The following NKAIN3 variants were observed in gnomAD, a reference collection of about 807,000 sequenced individuals.
NKAIN3 encodes sodium/potassium transporting ATPase interacting 3, also known as sodium/potassium-transporting ATPase subunit beta-1-interacting protein 3.
Under a neutral mutation model 30.2 loss-of-function variants are expected in NKAIN3, and 25 were observed. That is an observed-to-expected ratio of 0.83 (90% CI 0.60 to 1.16). The LOEUF is 1.16. NKAIN3 is among the 50% of genes most tolerant of loss of function. NKAIN3 has a pLI of 0.00. For missense variants in NKAIN3, 225 were observed against 254.1 expected (o/e 0.89, Z 0.78); for synonymous variants, 91 against 89.6 (o/e 1.02, Z -0.09).
In NKAIN3 at chr8:62,403,873, A is replaced by G. The variant is rs191753103; in HGVS notation, c.54+154746A>G. The stretch of plus-strand genomic sequence containing the variant: ...AATGGTAGATCCACTGACCGCTTGC[A>G]CCATGTGCCTGGAAAAGTAACAGAC... On this transcript the variant is annotated intron_variant, in intron 1 of 6. Coordinates refer to ENST00000623646, the MANE Select transcript of NKAIN3 (RefSeq NM_001304533.3). 1.7e-3 allele frequency among the ~76,000 whole-genome samples: 256 copies of G among 152,296 alleles called. 1 individual carries two copies. The highest frequency in any genetic ancestry group is 5.5e-3 in the Admixed American group (84 of 15,304).
intron 3 of NKAIN3, among the ~76,000 whole-genome samples, chr8:62,671,297 G>A (rs1813295855): frequency 6.6e-6 from 1 of 151,924 alleles, no homozygotes; most frequent in Admixed American, 6.6e-5. Context: ...AGAACATTCT[G>A]TTATATCCTT....
chr8:62,598,392 A>G (rs1417345995), intron 3 of NKAIN3, among the ~76,000 whole-genome samples: 2 of 151,972 alleles, frequency 1.3e-5, no homozygotes, highest in Non-Finnish European at 2.9e-5. Context: ...GTTGATTATT[A>G]CTCATGAGTG....
chr8:62,678,632 G>A (rs927897714), intron 3 of NKAIN3, among the ~76,000 whole-genome samples: 3 of 150,676 alleles, frequency 2.0e-5, no homozygotes, highest in Non-Finnish European at 3.0e-5. Context: ...ATATATTGAT[G>A]TTATATTGAT....
intron 4 of NKAIN3, among the ~76,000 whole-genome samples, chr8:62,872,583 A>C (rs1465158686): frequency 1.3e-5 from 2 of 152,208 alleles, no homozygotes; most frequent in Non-Finnish European, 2.9e-5. Flanking sequence ...GTTTTTGAGC[A>C]TTGTGTTACC....
At chr8:62,744,431 C>T (rs558073295) in intron 3 of NKAIN3, among the ~76,000 whole-genome samples, 14 of 151,992 alleles carry the variant, frequency 9.2e-5, no homozygotes, top group Non-Finnish European at 1.9e-4. Flanking sequence ...TAAATTGACT[C>T]TTGTTTTATT....
At chr8:62,250,656 G>A (rs1314094730) in intron 1 of NKAIN3, among the ~76,000 whole-genome samples, 1 of 151,976 alleles carries the variant, frequency 6.6e-6, no homozygotes, top group African/African-American at 2.4e-5. Flanking sequence ...GAAATAACAA[G>A]TAAGGTTTTT....
chr8:62,636,953 T>C (rs1211895041), intron 3 of NKAIN3, among the ~76,000 whole-genome samples: 1 of 152,220 alleles, frequency 6.6e-6, no homozygotes, highest in Non-Finnish European at 1.5e-5. Flanking sequence ...TTTGCTTCCT[T>C]GTAGTAAATG....
At chr8:62,300,537 G>A (rs1814010931) in intron 1 of NKAIN3, among the ~76,000 whole-genome samples, 1 of 151,952 alleles carries the variant, frequency 6.6e-6, no homozygotes, top group Non-Finnish European at 1.5e-5. Context: ...TATTTTTCTA[G>A]CAATTAAAAA....
chr8:62,421,685 C>G (rs967834974), intron 1 of NKAIN3, among the ~76,000 whole-genome samples: 1 of 151,750 alleles, frequency 6.6e-6, no homozygotes, highest in Admixed American at 6.6e-5. Flanking sequence ...AATGTACTCC[C>G]CACAGGAAAC....
At chr8:62,834,655 A>G (rs929698872) in intron 4 of NKAIN3, among the ~76,000 whole-genome samples, 2 of 152,136 alleles carry the variant, frequency 1.3e-5, no homozygotes, top group African/African-American at 4.8e-5. Context: ...AAAGAGAACT[A>G]TAAAACACTG....
chr8:62,364,454 C>T (rs1445154211), intron 1 of NKAIN3, among the ~76,000 whole-genome samples: 5 of 152,044 alleles, frequency 3.3e-5, no homozygotes, highest in Non-Finnish European at 7.4e-5. Flanking sequence ...CTGCACCTAG[C>T]CTCCAACATT....
chr8:62,932,669 C>T (rs774472500), intron 5 of NKAIN3, among the ~76,000 whole-genome samples: 13 of 152,120 alleles, frequency 8.5e-5, no homozygotes, highest in Non-Finnish European at 1.6e-4. Context: ...CTTGAGGGAC[C>T]TTGGATTCCA....
chr8:62,325,512 T>C (rs1047609840), intron 1 of NKAIN3, among the ~76,000 whole-genome samples: 3 of 152,138 alleles, frequency 2.0e-5, no homozygotes, highest in Admixed American at 1.3e-4. Context: ...GTGAGATTGC[T>C]GGATTGAATG....
rs570047671 is a variant in NKAIN3, at chr8:62,275,066, G to T, written c.54+25939G>T. ...TGCCGCAATAAACATACGTGTGCATGTGTTTTTATAGCAGCATGATTTATA... is the reference window on the plus strand; with the variant it reads ...TGCCGCAATAAACATACGTGTGCATTTGTTTTTATAGCAGCATGATTTATA... On this transcript the variant is annotated intron_variant, in intron 1 of 6. Coordinates refer to ENST00000623646, the MANE Select transcript of NKAIN3 (RefSeq NM_001304533.3). Among the ~76,000 whole-genome samples, 8 of 152,250 alleles carry T rather than the reference G, an allele frequency of 5.3e-5. 1 individual carries two copies. In the South Asian group the frequency reaches 1.7e-3, roughly 32 times the overall value.
chr8:62,794,121 C>G (rs930696410), intron 4 of NKAIN3, among the ~76,000 whole-genome samples: 1 of 152,134 alleles, frequency 6.6e-6, no homozygotes, highest in African/African-American at 2.4e-5. Flanking sequence ...TAGCTTTGTT[C>G]TTCTTCTTAT....
chr8:62,467,978 G>T (rs1184995121), intron 1 of NKAIN3, among the ~76,000 whole-genome samples: 1 of 151,978 alleles, frequency 6.6e-6, no homozygotes, highest in Non-Finnish European at 1.5e-5. Context: ...TCACCATGTT[G>T]CCCAGGCTGG....
intron 1 of NKAIN3, among the ~76,000 whole-genome samples, chr8:62,536,307 G>C (rs1162842093): frequency 2.0e-5 from 3 of 152,136 alleles, no homozygotes; most frequent in African/African-American, 7.2e-5. Flanking sequence ...GCTGAAGATG[G>C]ATGACAAGCT....
intron 1 of NKAIN3, among the ~76,000 whole-genome samples, chr8:62,568,329 A>T (rs1809820240): frequency 6.6e-6 from 1 of 152,212 alleles, no homozygotes; most frequent in South Asian, 2.1e-4. Context: ...TCTAATAGGG[A>T]TAGCATCAGA....
rs536656243 is a variant in NKAIN3 at position 62,789,141 on chromosome 8, A to G, written c.471+42012A>G. 2.0e-3 allele frequency among the ~76,000 whole-genome samples: 299 copies of G among 151,976 alleles called. 1 individual carries two copies. Among genetic ancestry groups the G allele is most frequent in the East Asian group, 8.3e-3 (43 of 5,150 alleles). On this transcript the variant is annotated intron_variant, in intron 4 of 6. Coordinates refer to ENST00000623646, the MANE Select transcript of NKAIN3 (RefSeq NM_001304533.3). ...CCTTGGGCAGTATGGCCATTTTCAC[A>G]ATATTGATTCTTCCTACCCATGAGC...
Sources: allele counts gnomAD v4.1 joint callset (sites outside exome capture counted in the v4.1 genomes callset), GRCh38; gene constraint gnomAD v4.1.1; transcripts MANE v1.5; gene names NCBI Gene and HGNC (gene_info 2026-07-23, HGNC 2026-07-21).